ZBTB20: variants seen among roughly 807,000 people sequenced by gnomAD.
The protein encoded by ZBTB20 is zinc finger and BTB domain containing 20.
Under a neutral mutation model 56.9 loss-of-function variants are expected in ZBTB20, and 9 were observed. The observed-to-expected ratio is 0.16, with a 90% CI of 0.10 to 0.28. The LOEUF (loss-of-function observed/expected upper bound fraction) is 0.28, where lower values mean the gene tolerates loss of function less well. ZBTB20 is among the 10% of genes least tolerant of loss of function. The probability of loss-of-function intolerance (pLI) is 1.00; values close to 1 mark genes in which losing one functional copy is unlikely to be tolerated. For synonymous variants in ZBTB20, 417 were observed against 420.7 expected, an observed-to-expected ratio of 0.99 and a Z score of 0.11; for missense variants, 655 against 1,003.0, an observed-to-expected ratio of 0.65 and a Z score of 4.69.
intron 3 of ZBTB20, among the ~76,000 whole-genome samples, chr3:114,920,369 G>A (rs751285185): frequency 1.3e-5 from 2 of 152,086 alleles, no homozygotes; most frequent in African/African-American, 4.8e-5. Flanking sequence ...TAGATCAGAT[G>A]TTGGGCCACA....
intron 7 of ZBTB20, among the ~76,000 whole-genome samples, chr3:114,486,085 T>TA (rs949546905): frequency 4.5e-5 from 5 of 111,302 alleles, no homozygotes; most frequent in Non-Finnish European, 6.7e-5. Context: ...GTCGATTAAA[T>TA]AAAAAAAAAT....
intron 1 of ZBTB20, among the ~76,000 whole-genome samples, chr3:115,099,858 G>C (rs1319209675): frequency 6.6e-6 from 1 of 152,098 alleles, no homozygotes; most frequent in African/African-American, 2.4e-5. Flanking sequence ...ACATACGGAA[G>C]GGTCTGTTTT....
intron 6 of ZBTB20, among the ~76,000 whole-genome samples, chr3:114,641,853 A>T (rs1026688983): frequency 2.0e-5 from 3 of 151,954 alleles, no homozygotes; most frequent in African/African-American, 7.2e-5. Flanking sequence ...TTATTTTTTA[A>T]AAAAAGACTC....
chr3:114,952,458 A>G (rs530484317), intron 3 of ZBTB20, among the ~76,000 whole-genome samples: 1 of 152,180 alleles, frequency 6.6e-6, no homozygotes, highest in East Asian at 1.9e-4. Context: ...AATTTCTGGT[A>G]TTCTTTTATA....
chr3:115,027,654 T>C (rs1214287000), intron 2 of ZBTB20: 1 of 151,028 alleles, frequency 6.6e-6, no homozygotes, highest in Non-Finnish European at 1.5e-5. Flanking sequence ...TCAAGTCATA[T>C]GGAAGACAAT....
chr3:114,969,810 T>C (rs2077799487), intron 3 of ZBTB20, among the ~76,000 whole-genome samples: 1 of 152,210 alleles, frequency 6.6e-6, no homozygotes, highest in Admixed American at 6.5e-5. Context: ...ACAAAAATGC[T>C]TACATGGTAA....
At chr3:114,803,040 C>G (rs535711812) in intron 4 of ZBTB20, among the ~76,000 whole-genome samples, 1 of 151,602 alleles carries the variant, frequency 6.6e-6, no homozygotes, top group Non-Finnish European at 1.5e-5. Context: ...TCATTCCCCC[C>G]CCATGCCATT....
At chr3:115,134,984 C>T (rs1041043399) in intron 1 of ZBTB20, among the ~76,000 whole-genome samples, 2 of 152,188 alleles carry the variant, frequency 1.3e-5, no homozygotes, top group African/African-American at 4.8e-5. Flanking sequence ...CATTCAGCTA[C>T]TTTAGCTTTT....
At chr3:114,601,810 C>G (rs1238456624) in intron 6 of ZBTB20, among the ~76,000 whole-genome samples, 2 of 151,944 alleles carry the variant, frequency 1.3e-5, no homozygotes, top group African/African-American at 4.8e-5. Context: ...TTGGGAAAAG[C>G]AGATTATTTG....
At chr3:114,575,129 A>T (rs980980599) in intron 6 of ZBTB20, among the ~76,000 whole-genome samples, 25 of 152,328 alleles carry the variant, frequency 1.6e-4, no homozygotes, top group African/African-American at 5.1e-4. Context: ...CTAGAAACTA[A>T]GTTGCATTAT....
chr3:115,000,899 G>A (rs569658853), intron 2 of ZBTB20, among the ~76,000 whole-genome samples: 5 of 151,400 alleles, frequency 3.3e-5, no homozygotes, highest in African/African-American at 9.7e-5. Context: ...AAAAGCTCTG[G>A]CACAGGAAAA....
intron 1 of ZBTB20, among the ~76,000 whole-genome samples, chr3:115,127,735 T>C (rs1467178055): frequency 6.6e-6 from 1 of 152,188 alleles, no homozygotes; most frequent in African/African-American, 2.4e-5. Context: ...AACTGACCGC[T>C]GAATAAGATA....
At position 114,339,912 on chromosome 3, in the gene ZBTB20, G is replaced by A. The variant is rs1374493566; in HGVS notation, c.1805-486C>T. On this transcript the variant is annotated intron_variant, in intron 11 of 11. Transcript: ENST00000675478. This position sits in a 1 kb window ranked among gnomAD's most constrained non-coding sequence, Gnocchi z 4.2. ...ATTGGTCACTATAGCTTGGTTCCTT[G>A]GGGTAAGTCCCCACTTCTAGTAGTC... is the stretch of plus-strand genomic sequence containing the variant. Among the ~76,000 whole-genome samples, 1 of 152,136 alleles carries A rather than the reference G, an allele frequency of 6.6e-6. No homozygotes were observed. The highest frequency in any genetic ancestry group is 1.5e-5 in the Non-Finnish European group (1 of 68,016).
chr3:114,679,510 G>A (rs1468619973), intron 6 of ZBTB20, among the ~76,000 whole-genome samples: 1 of 152,108 alleles, frequency 6.6e-6, no homozygotes, highest in Non-Finnish European at 1.5e-5. Context: ...AGATAATTAT[G>A]CGGCCAAAAA....
intron 3 of ZBTB20, among the ~76,000 whole-genome samples, chr3:114,954,550 T>C (rs1427996298): frequency 6.6e-6 from 1 of 152,168 alleles, no homozygotes; most frequent in Admixed American, 6.5e-5. Flanking sequence ...CATGGTACTA[T>C]GGTATGGATT....
intron 1 of ZBTB20, among the ~76,000 whole-genome samples, chr3:115,112,681 A>AT (rs938992738): frequency 6.6e-6 from 1 of 152,006 alleles, no homozygotes; most frequent in Non-Finnish European, 1.5e-5. Context: ...TATATGCCAC[A>AT]TTTTTTTATC....
At chr3:114,444,663 C>A (rs938892997) in intron 7 of ZBTB20, among the ~76,000 whole-genome samples, 1 of 152,046 alleles carries the variant, frequency 6.6e-6, no homozygotes, top group Non-Finnish European at 1.5e-5. Context: ...TTCTTATTGG[C>A]AAAATGAGTA....
chr3:114,442,450 G>A (rs184105999), intron 7 of ZBTB20, among the ~76,000 whole-genome samples: 1 of 152,194 alleles, frequency 6.6e-6, no homozygotes, highest in East Asian at 1.9e-4. Flanking sequence ...CCATCAGGAT[G>A]ATTCAGCCAC....
intron 1 of ZBTB20, among the ~76,000 whole-genome samples, chr3:115,112,609 T>C (rs1268142182): frequency 2.6e-5 from 4 of 152,218 alleles, no homozygotes; most frequent in African/African-American, 9.6e-5. Context: ...TCCAGCTCCA[T>C]TCACATTGCT....
Sources: allele counts gnomAD v4.1 joint callset (sites outside exome capture counted in the v4.1 genomes callset), GRCh38; gene constraint gnomAD v4.1.1; non-coding constraint Gnocchi (gnomAD v3.1); transcripts MANE v1.5; gene names NCBI Gene and HGNC (gene_info 2026-07-23, HGNC 2026-07-21).